Variants in YARS1 observed in about 807,000 individuals in gnomAD.
The protein encoded by YARS1 is tyrosine--tRNA ligase, cytoplasmic.
YARS1 carries 36 observed loss-of-function variants against 62.2 expected under a neutral mutation model. That is an observed-to-expected ratio of 0.58 (90% CI 0.44 to 0.76). The LOEUF is 0.76. Among genes scored for constraint, YARS1 ranks in the 30% least tolerant of loss-of-function variants. The pLI is 0.00. For missense variants in YARS1, 524 were observed against 639.8 expected, an observed-to-expected ratio of 0.82 and a Z score of 1.95; for synonymous variants, 234 against 244.9, an observed-to-expected ratio of 0.96 and a Z score of 0.42.
At position 32,816,944 on chromosome 1, in the gene YARS1, C is replaced by A. The variant is rs1279802691; in HGVS notation, c.57+244G>T. 6.6e-6 allele frequency: 4 copies of A among 602,058 alleles called. No homozygotes were observed. In the African/African-American group the frequency reaches 7.4e-5, roughly 11 times the overall value. 37.3% of individuals were successfully genotyped at this position (602,058 alleles called of 1,614,324 possible). Reference sequence around the variant, plus strand: ...GGGGGTGGAATGGGAGTCCTGGATTCAAAGTTTGGCTCCAACACAAGACAA... The same window carrying A: ...GGGGGTGGAATGGGAGTCCTGGATTAAAAGTTTGGCTCCAACACAAGACAA... On this transcript the variant is annotated intron_variant, in intron 1 of 12. Transcript: ENST00000373477.
rs1416720089 is a variant in YARS1, at chr1:32,801,319, ATTTT to A, written c.511-3480_511-3477del. Among the ~76,000 whole-genome samples the A allele has an allele frequency of 2.6e-5, 4 of 152,208 alleles. No homozygotes were observed. The East Asian group carries it at 7.7e-4, about 29-fold the overall frequency. ...AACCACAATAAAGTGACTCACTTGGATTTTTTTGTTTCTCGGTGCATATAAAAGT... is the reference window on the plus strand; with the variant it reads ...AACCACAATAAAGTGACTCACTTGGATTTGTTTCTCGGTGCATATAAAAGT... On this transcript the variant is annotated intron_variant, in intron 4 of 12. Coordinates refer to ENST00000373477, the MANE Select transcript of YARS1 (RefSeq NM_003680.4).
rs746559511 is a variant in YARS1 at position 32,776,074 on chromosome 1, A to G, written c.1494T>C (p.Ser498=). The G allele has an allele frequency of 1.7e-5, 28 of 1,613,942 alleles. No homozygotes were observed. Among genetic ancestry groups the G allele is most frequent in the Non-Finnish European group, 2.2e-5 (26 of 1,180,000 alleles). ...GCTTCCACTGTGCGATGCACTCCTC[A>G]GAAATTTTGAAGTCAGCCTGGACAA... ...FEKLQADFKI[S]EECIAQWKQT... The change falls in exon 13 of 13, where the codon TCT becomes TCC. Residue 498 remains serine, a synonymous_variant. Coordinates refer to ENST00000373477, the MANE Select transcript of YARS1 (RefSeq NM_003680.4). The surrounding 1 kb of genome is among the most constrained non-coding windows in gnomAD (Gnocchi z 4.0).
chr1:32,786,769 A>G (rs570397127), intron 7 of YARS1, 171 bp downstream of exon 7: 10 of 979,100 alleles, frequency 1.0e-5, no homozygotes, highest in Middle Eastern at 2.5e-4. Flanking sequence ...GAATATATGG[A>G]CAATTAAATT....
intron 1 of YARS1, chr1:32,816,976 G>A: frequency 1.6e-6 from 1 of 633,290 alleles, no homozygotes. Flanking sequence ...ACAACTGGAC[G>A]CAAGAGGTGA....
chr1:32,817,063 C>G (rs1464749351), intron 1 of YARS1, 125 bp downstream of exon 1: 1 of 1,239,114 alleles, frequency 8.1e-7, no homozygotes, highest in African/African-American at 1.5e-5. Flanking sequence ...TCTACAGGCT[C>G]TCTCAGAGCT....
At chr1:32,780,365 C>T in intron 10 of YARS1, 87 bp from the exon 11 acceptor site, 1 of 1,500,574 alleles carries the variant, frequency 6.7e-7, no homozygotes, top group Non-Finnish European at 9.2e-7. Context: ...AAAGGAGCAT[C>T]CACTCCTTAC....
chr1:32,779,558 A>G, intron 11 of YARS1, 35 bp from the exon 12 acceptor site: 3 of 1,614,044 alleles, frequency 1.9e-6, no homozygotes, highest in Non-Finnish European at 1.7e-6. Flanking sequence ...GAGTGAGGCT[A>G]TGGATGGGTT....
At chr1:32,790,652 A>T (rs59697437) in intron 6 of YARS1, 20,345 of 147,162 alleles carry the variant, frequency 0.14, 1,673 homozygotes, top group South Asian at 0.23. Flanking sequence ...TTTTTTTTTT[A>T]AATTCCCTAG....
chr1:32,781,610 C>T (rs937209161), intron 9 of YARS1: 7 of 177,618 alleles, frequency 3.9e-5, no homozygotes, highest in Non-Finnish European at 7.2e-5. Context: ...CTGGAAGGGT[C>T]GCACAAAGCT....
At chr1:32,801,338 C>A (rs539862847) in intron 4 of YARS1, among the ~76,000 whole-genome samples, 4 of 152,022 alleles carry the variant, frequency 2.6e-5, no homozygotes, top group Admixed American at 2.0e-4. Flanking sequence ...TTTCTCGGTG[C>A]ATATAAAAGT....
intron 4 of YARS1, 139 bp from the exon 5 acceptor site, chr1:32,797,982 T>C: frequency 1.4e-6 from 1 of 704,740 alleles, no homozygotes; most frequent in Non-Finnish European, 2.5e-6. Flanking sequence ...GTGAGTCTCC[T>C]GCCTCAGCCT....
chr1:32,796,943 T>C (rs1316585976), intron 5 of YARS1, among the ~76,000 whole-genome samples: 7 of 88,494 alleles, frequency 7.9e-5, no homozygotes, highest in Admixed American at 4.6e-4. Context: ...CCAGCCTGGG[T>C]GACAATAGCG....
In YARS1 at chr1:32,775,489, C is replaced by G. The variant is rs1319617578; in HGVS notation, c.*492G>C. Reference sequence around the variant, plus strand: ...GAGTAAGCAGACATTGGGAAAGTTGCCAACCACTTGGTAGACCACTAGGTT... The same window carrying G: ...GAGTAAGCAGACATTGGGAAAGTTGGCAACCACTTGGTAGACCACTAGGTT... On this transcript the variant is annotated 3_prime_UTR_variant, in exon 13 of 13. Coordinates refer to ENST00000373477, the MANE Select transcript of YARS1 (RefSeq NM_003680.4). 1.2e-5 allele frequency: 2 copies of G among 161,200 alleles called. No individual in the cohort carries two copies. The highest frequency in any genetic ancestry group is 2.7e-5 in the Non-Finnish European group (2 of 73,076). The allele number at this position is 161,200 out of a possible 1,614,324, so 10.0% of individuals were successfully genotyped here. A position where few individuals can be genotyped will look rare whatever the true frequency, so the allele number is the denominator to read the frequency against.
Position 32,812,882 on chromosome 1 carries a change from C to T in YARS1, c.58-1825G>A, listed in dbSNP as rs184228955. Among the ~76,000 whole-genome samples, 33 of 151,080 alleles carry T rather than the reference C, an allele frequency of 2.2e-4. No homozygotes were observed. The East Asian group carries it at 5.3e-3, about 24-fold the overall frequency. The stretch of plus-strand genomic sequence containing the variant: ...ACTCGGGAGGCTGAGGCAGGAGAAT[C>T]GCTTGAACCTGGAAGGTGGAGGTTG... On this transcript the variant is annotated intron_variant, in intron 1 of 12. Transcript: ENST00000373477.
chr1:32,800,797 T>C (rs2148611798), intron 4 of YARS1, among the ~76,000 whole-genome samples: 1 of 152,240 alleles, frequency 6.6e-6, no homozygotes, highest in South Asian at 2.1e-4. Context: ...ATGGTCTCGA[T>C]TTCCTGACCT....
chr1:32,807,787 T>A (rs527968703), intron 3 of YARS1, among the ~76,000 whole-genome samples: 1 of 152,266 alleles, frequency 6.6e-6, no homozygotes, highest in South Asian at 2.1e-4. Context: ...CAATTAGTAT[T>A]TTTCTTCACT....
chr1:32,803,459 G>A (rs917439879), intron 4 of YARS1, among the ~76,000 whole-genome samples: 2 of 152,030 alleles, frequency 1.3e-5, no homozygotes, highest in African/African-American at 4.8e-5. Flanking sequence ...AAAGGCACTA[G>A]GATTTTTGGA....
chr1:32,804,132 C>G (rs1305798597), intron 4 of YARS1, among the ~76,000 whole-genome samples: 1 of 152,288 alleles, frequency 6.6e-6, no homozygotes, highest in Non-Finnish European at 1.5e-5. Flanking sequence ...TCTCCCATGT[C>G]TACCTCTTTC....
intron 2 of YARS1, 47 bp downstream of exon 2, chr1:32,810,864 G>A: frequency 6.2e-7 from 1 of 1,613,842 alleles, no homozygotes; most frequent in Non-Finnish European, 8.5e-7. Flanking sequence ...GTCTCTCTTG[G>A]GTCTCCCTTG....
Sources: allele counts gnomAD v4.1 joint callset (sites outside exome capture counted in the v4.1 genomes callset), GRCh38; gene constraint gnomAD v4.1.1; non-coding constraint Gnocchi (gnomAD v3.1); transcripts MANE v1.5; gene names NCBI Gene and HGNC (gene_info 2026-07-23, HGNC 2026-07-21).